Variants in CHRM3 observed in about 807,000 individuals in gnomAD.
CHRM3 encodes the protein muscarinic acetylcholine receptor M3.
CHRM3 carries 11 observed loss-of-function variants against 41.8 expected under a neutral mutation model. The ratio of observed to expected loss-of-function variants is 0.26; its 90% CI spans 0.17 to 0.44. The LOEUF is 0.44. Ranked by LOEUF, CHRM3 falls within the 20% of genes least tolerant of loss-of-function variation. The pLI is 1.00. For missense variants in CHRM3, 571 were observed against 745.4 expected, an observed-to-expected ratio of 0.77 and a Z score of 2.72; for synonymous variants, 297 against 301.4, an observed-to-expected ratio of 0.99 and a Z score of 0.15.
At chr1:239,672,780 T>C (rs1573230946) in intron 4 of CHRM3, among the ~76,000 whole-genome samples, 1 of 152,210 alleles carries the variant, frequency 6.6e-6, no homozygotes, top group East Asian at 1.9e-4. Flanking sequence ...GGCAAGGGTT[T>C]GTGAATTTCA....
At chr1:239,742,287 A>AT (rs35186731) in intron 5 of CHRM3, among the ~76,000 whole-genome samples, 65,132 of 151,932 alleles carry the variant, frequency 0.43, 14,292 homozygotes, top group Admixed American at 0.52. Flanking sequence ...AGCAGTAACC[A>AT]TTGCTCGTAT....
At position 239,660,468 on chromosome 1, in the gene CHRM3, G is replaced by A. The variant is rs117097808; in HGVS notation, c.-249-17718G>A. Among the ~76,000 whole-genome samples, 11 of 152,136 alleles carry A rather than the reference G, an allele frequency of 7.2e-5. No individual in the cohort carries two copies. The East Asian group carries it at 1.3e-3, about 19-fold the overall frequency. The stretch of plus-strand genomic sequence containing the variant: ...CTCTTCTGACAAGCTTCCACAGACC[G>A]TATAAGTCTAAGAAAATTGCAGTCC... On this transcript the variant is annotated intron_variant, in intron 4 of 6. Coordinates refer to ENST00000676153, the MANE Select transcript of CHRM3 (RefSeq NM_001375978.1).
chr1:239,804,933 A>G (rs1670513733), intron 5 of CHRM3, among the ~76,000 whole-genome samples: 1 of 152,094 alleles, frequency 6.6e-6, no homozygotes, highest in Non-Finnish European at 1.5e-5. Flanking sequence ...TATTTCTACT[A>G]TTTAGTCTCT....
At chr1:239,553,162 T>A (rs1343478258) in intron 3 of CHRM3, among the ~76,000 whole-genome samples, 1 of 152,056 alleles carries the variant, frequency 6.6e-6, no homozygotes, top group East Asian at 1.9e-4. Flanking sequence ...TCCAAAGACT[T>A]TGTAAGGAAG....
At chr1:239,726,000 C>G (rs1663403275) in intron 5 of CHRM3, among the ~76,000 whole-genome samples, 1 of 151,890 alleles carries the variant, frequency 6.6e-6, no homozygotes, top group South Asian at 2.1e-4. Flanking sequence ...AATCACAACC[C>G]TCAGGTGAAA....
At position 239,551,064 on chromosome 1, in the gene CHRM3, T is replaced by C. The variant is rs534630137; in HGVS notation, c.-313+5315T>C. On this transcript the variant is annotated intron_variant, in intron 3 of 6. Coordinates refer to ENST00000676153, the MANE Select transcript of CHRM3 (RefSeq NM_001375978.1). ...GCACGTACATGCTATATAATTTATA[T>C]ATATACTTCATATGACCAAGGAAGT... is the stretch of plus-strand genomic sequence containing the variant. Among the ~76,000 whole-genome samples the C allele has an allele frequency of 2.2e-3, 329 of 151,472 alleles. 4 individuals carry two copies. The highest frequency in any genetic ancestry group is 1.9e-3 in the Non-Finnish European group (130 of 67,902).
At chr1:239,637,966 C>T (rs191365183) in intron 4 of CHRM3, among the ~76,000 whole-genome samples, 3,133 of 136,876 alleles carry the variant, frequency 0.023, 82 homozygotes, top group African/African-American at 0.055. Context: ...CCTGTGTCCA[C>T]GTGTTCTCAT....
intron 3 of CHRM3, among the ~76,000 whole-genome samples, chr1:239,612,652 C>A (rs1038249639): frequency 3.9e-5 from 6 of 152,196 alleles, no homozygotes; most frequent in Admixed American, 1.3e-4. Flanking sequence ...GTTTTCTTCT[C>A]CAGGCTTTCT....
At chr1:239,844,579 C>T (rs1013217462) in intron 6 of CHRM3, among the ~76,000 whole-genome samples, 1 of 152,086 alleles carries the variant, frequency 6.6e-6, no homozygotes, top group African/African-American at 2.4e-5. Context: ...GAAGAATTTC[C>T]CGAGCGTTAG....
chr1:239,452,732 G>C (rs1664641383), intron 1 of CHRM3, among the ~76,000 whole-genome samples: 1 of 152,202 alleles, frequency 6.6e-6, no homozygotes. Flanking sequence ...TCAGAAAGCA[G>C]TGAAAGTTAA....
chr1:239,608,115 A>G (rs183080969), intron 3 of CHRM3, among the ~76,000 whole-genome samples: 68 of 152,364 alleles, frequency 4.5e-4, no homozygotes, highest in Non-Finnish European at 8.8e-4. Flanking sequence ...ACCCTATATC[A>G]TAATAAATGT....
chr1:239,716,584 G>C (rs1035196330), intron 5 of CHRM3, among the ~76,000 whole-genome samples: 1 of 152,100 alleles, frequency 6.6e-6, no homozygotes. Context: ...GATGTTTACA[G>C]CTAAACAGTG....
In CHRM3 at chr1:239,885,790, AG is replaced by A. The variant is rs527740794; in HGVS notation, c.-19-21641del. ...TTAAAGGAACCTTCAAGTCTCCACTAGGTCATTCTAATAAGCGGAAGGTGAC... is the reference window on the plus strand; with the variant it reads ...TTAAAGGAACCTTCAAGTCTCCACTAGTCATTCTAATAAGCGGAAGGTGAC... On this transcript the variant is annotated intron_variant, in intron 6 of 6. Coordinates refer to ENST00000676153, the MANE Select transcript of CHRM3 (RefSeq NM_001375978.1). 2.4e-3 allele frequency among the ~76,000 whole-genome samples: 373 copies of A among 152,276 alleles called. 3 individuals are homozygous for A. Among genetic ancestry groups the A allele is most frequent in the African/African-American group, 8.7e-3 (361 of 41,574 alleles).
chr1:239,634,563 TA>T (rs1670259316), intron 4 of CHRM3, among the ~76,000 whole-genome samples: 4 of 150,064 alleles, frequency 2.7e-5, no homozygotes. Context: ...TTTTTTGAAA[TA>T]AAAGTTTAGA....
intron 6 of CHRM3, among the ~76,000 whole-genome samples, chr1:239,830,594 C>T (rs1332437246): frequency 6.6e-6 from 1 of 152,156 alleles, no homozygotes; most frequent in Non-Finnish European, 1.5e-5. Context: ...GTCCCAGCTA[C>T]TTGGGAGGCT....
chr1:239,618,593 C>T (rs561234703), intron 3 of CHRM3, among the ~76,000 whole-genome samples: 4 of 151,542 alleles, frequency 2.6e-5, no homozygotes, highest in South Asian at 2.1e-4. Flanking sequence ...GCCTGTAATC[C>T]CAGCACTTTG....
At chr1:239,422,576 A>G (rs12125061) in intron 1 of CHRM3, among the ~76,000 whole-genome samples, 49,800 of 151,924 alleles carry the variant, frequency 0.33, 8,430 homozygotes, top group Non-Finnish European at 0.36. Flanking sequence ...CAGGCGGATC[A>G]TGAGGTCAGG....
intron 3 of CHRM3, among the ~76,000 whole-genome samples, chr1:239,553,636 C>T (rs1185867579): frequency 6.6e-6 from 1 of 152,144 alleles, no homozygotes; most frequent in African/African-American, 2.4e-5. Context: ...GATTCTTGGT[C>T]TCAACAAGTG....
At position 239,603,145 on chromosome 1, in the gene CHRM3, C is replaced by G. The variant is rs979784837; in HGVS notation, c.-312-29079C>G. 2.6e-5 allele frequency among the ~76,000 whole-genome samples: 4 copies of G among 152,314 alleles called. 1 individual carries two copies. The East Asian group carries it at 7.7e-4, about 29-fold the overall frequency. ...TAGTGACCAGCTCATTTTCACTTAG[C>G]AGATTGTCTCAAGGTTCATCCATGT... On this transcript the variant is annotated intron_variant, in intron 3 of 6. Coordinates refer to ENST00000676153, the MANE Select transcript of CHRM3 (RefSeq NM_001375978.1).
Sources: allele counts gnomAD v4.1 joint callset (sites outside exome capture counted in the v4.1 genomes callset), GRCh38; gene constraint gnomAD v4.1.1; transcripts MANE v1.5; gene names NCBI Gene and HGNC (gene_info 2026-07-23, HGNC 2026-07-21).